Variants in FGF2 observed in about 807,000 individuals in gnomAD.
FGF2 encodes basic fibroblast growth factor bFGF.
Under a neutral mutation model 15.9 loss-of-function variants are expected in FGF2, and 13 were observed. The ratio of observed to expected loss-of-function variants is 0.82; its 90% CI spans 0.53 to 1.30. FGF2 has a LOEUF of 1.30. Ranked by LOEUF, FGF2 falls within the 50% of genes most tolerant of loss-of-function variation. FGF2 has a pLI of 0.00. For synonymous variants in FGF2, 90 were observed against 78.4 expected, an observed-to-expected ratio of 1.15 and a Z score of -0.78; for missense variants, 163 against 196.9, an observed-to-expected ratio of 0.83 and a Z score of 1.03.
intron 1 of FGF2, among the ~76,000 whole-genome samples, chr4:122,845,445 G>C (rs1726090635): frequency 6.6e-6 from 1 of 152,178 alleles, no homozygotes; most frequent in Non-Finnish European, 1.5e-5. Flanking sequence ...CTCCTCTCTA[G>C]CTGTGAAAAT....
chr4:122,892,288 C>A lies in FGF2; in HGVS notation c.360C>A (p.Tyr120Ter). 1 of 1,613,608 alleles carries A rather than the reference C, an allele frequency of 6.2e-7. No individual in the cohort carries two copies. The highest frequency in any genetic ancestry group is 8.5e-7 in the Non-Finnish European group (1 of 1,179,564). ...ACAATACTTACCGGTCAAGGAAATACACCAGTTGGTATGTGGCACTGAAAC... is the reference window on the plus strand; with the variant it reads ...ACAATACTTACCGGTCAAGGAAATAAACCAGTTGGTATGTGGCACTGAAAC... ...NNYNTYRSRK[Y>*]TSWYVALKRT... is the part of the protein sequence containing the mutation. Residue 120 changes from tyrosine to a stop codon, truncating the protein, a stop_gained, in exon 3 of 3, where the codon TAC becomes TAA. Coordinates refer to ENST00000644866, the MANE Select transcript of FGF2 (RefSeq NM_001361665.2). LOFTEE classifies it high-confidence loss of function.
At chr4:122,850,031 G>T (rs1392655816) in intron 1 of FGF2, among the ~76,000 whole-genome samples, 1 of 152,222 alleles carries the variant, frequency 6.6e-6, no homozygotes, top group East Asian at 1.9e-4. Context: ...GGAGGCCAAG[G>T]TGGGTGGATT....
intron 1 of FGF2, among the ~76,000 whole-genome samples, chr4:122,861,159 G>A (rs1220279567): frequency 6.6e-6 from 1 of 151,968 alleles, no homozygotes; most frequent in African/African-American, 2.4e-5. Flanking sequence ...ACACACTTTT[G>A]AGAAGATCGC....
At chr4:122,831,303 C>T (rs1725761581) in intron 1 of FGF2, among the ~76,000 whole-genome samples, 1 of 152,132 alleles carries the variant, frequency 6.6e-6, no homozygotes, top group African/African-American at 2.4e-5. Flanking sequence ...TTTGGTTAGG[C>T]TTCCTCCATT....
intron 1 of FGF2, among the ~76,000 whole-genome samples, chr4:122,838,667 C>G (rs1422848885): frequency 6.6e-6 from 1 of 152,160 alleles, no homozygotes; most frequent in African/African-American, 2.4e-5. Context: ...CTTTCAGAGG[C>G]TTTGCCATGT....
chr4:122,845,074 T>A (rs1452727579), intron 1 of FGF2, among the ~76,000 whole-genome samples: 1 of 152,230 alleles, frequency 6.6e-6, no homozygotes, highest in Non-Finnish European at 1.5e-5. Context: ...GGCTGCAAAA[T>A]GGATGTTGTG....
At chr4:122,852,549 C>T (rs1298922610) in intron 1 of FGF2, among the ~76,000 whole-genome samples, 4 of 152,190 alleles carry the variant, frequency 2.6e-5, no homozygotes, top group Non-Finnish European at 5.9e-5. Flanking sequence ...ATTGGAGCCA[C>T]CAAAATAAGT....
chr4:122,898,078 A>T lies in FGF2; in HGVS notation c.*5682A>T, dbSNP rs1322805912. 1.2e-5 allele frequency: 2 copies of T among 164,446 alleles called. No homozygotes were observed. Among genetic ancestry groups the T allele is most frequent in the African/African-American group, 4.8e-5 (2 of 41,666 alleles). The allele number at this position is 164,446 out of a possible 1,614,324, so 10.2% of individuals were successfully genotyped here. A position where few individuals can be genotyped will look rare whatever the true frequency, so the allele number is the denominator to read the frequency against. ...AGAAAATATAAATTTCATCACTAAA[A>T]TATGCTATTTTAAAATCTATTTCCT... On this transcript the variant is annotated 3_prime_UTR_variant, in exon 3 of 3. Transcript: ENST00000644866.
intron 2 of FGF2, 139 bp from the exon 3 acceptor site, chr4:122,892,072 A>T: frequency 1.3e-6 from 1 of 744,614 alleles, no homozygotes; most frequent in Non-Finnish European, 2.2e-6. Context: ...GAATCTTGTT[A>T]GTTTGATTGC....
chr4:122,845,615 T>C (rs1056854855), intron 1 of FGF2, among the ~76,000 whole-genome samples: 4 of 152,250 alleles, frequency 2.6e-5, no homozygotes, highest in Admixed American at 6.5e-5. Flanking sequence ...GTTTATGTTA[T>C]GGAGATGGCT....
intron 1 of FGF2, among the ~76,000 whole-genome samples, chr4:122,871,666 T>A (rs1726736360): frequency 6.6e-6 from 1 of 151,550 alleles, no homozygotes. Context: ...TGCTGTTCTC[T>A]AGCCTCCTTG....
intron 1 of FGF2, among the ~76,000 whole-genome samples, chr4:122,860,612 C>T (rs968934056): frequency 6.6e-5 from 10 of 151,926 alleles, no homozygotes; most frequent in Non-Finnish European, 1.0e-4. Context: ...TATGCCACCA[C>T]GCCTGGCTAT....
At chr4:122,828,794 T>C (rs1578445730) in intron 1 of FGF2, among the ~76,000 whole-genome samples, 1 of 152,308 alleles carries the variant, frequency 6.6e-6, no homozygotes, top group Middle Eastern at 3.4e-3. Flanking sequence ...TGTAACCTAT[T>C]AGATGGGTTA....
At chr4:122,839,891 G>C (rs567653598) in intron 1 of FGF2, among the ~76,000 whole-genome samples, 1 of 152,290 alleles carries the variant, frequency 6.6e-6, no homozygotes, top group Admixed American at 6.5e-5. Flanking sequence ...CTGGAGGCTG[G>C]AAGTCCAAGA....
chr4:122,855,547 G>T (rs1470194584), intron 1 of FGF2, among the ~76,000 whole-genome samples: 1 of 152,194 alleles, frequency 6.6e-6, no homozygotes, highest in East Asian at 1.9e-4. Flanking sequence ...TTCCTCAAAG[G>T]CCTGTCTGCT....
At position 122,895,044 on chromosome 4, in the gene FGF2, G is replaced by A. The variant is rs915003139; in HGVS notation, c.*2648G>A. 2 of 152,200 alleles carry A rather than the reference G, an allele frequency of 1.3e-5. No homozygotes were observed. The highest frequency in any genetic ancestry group is 4.8e-5 in the African/African-American group (2 of 41,438). 9.4% of individuals were successfully genotyped at this position (152,200 alleles called of 1,614,324 possible). A position where few individuals can be genotyped will look rare whatever the true frequency, so the allele number is the denominator to read the frequency against. ...CTGACTGAAAATCAGCACTGCCTGA[G>A]TAGTTTTGATCAGTTTAACTTGAAT... On this transcript the variant is annotated 3_prime_UTR_variant, in exon 3 of 3. Transcript: ENST00000644866.
chr4:122,849,336 C>G (rs916064565), intron 1 of FGF2, among the ~76,000 whole-genome samples: 1 of 151,950 alleles, frequency 6.6e-6, no homozygotes, highest in Non-Finnish European at 1.5e-5. Flanking sequence ...TCATTCTCAG[C>G]AAACTAACAC....
At chr4:122,842,213 G>C (rs377507926) in intron 1 of FGF2, among the ~76,000 whole-genome samples, 1 of 152,222 alleles carries the variant, frequency 6.6e-6, no homozygotes, top group East Asian at 1.9e-4. Context: ...ATGGAAGCCT[G>C]CCTCAACGAT....
intron 1 of FGF2, among the ~76,000 whole-genome samples, chr4:122,860,567 T>G (rs10428271): frequency 2.0e-5 from 3 of 151,666 alleles, no homozygotes; most frequent in African/African-American, 7.3e-5. Context: ...GTGATTCTTG[T>G]GCCTCAGCCT....
Sources: allele counts gnomAD v4.1 joint callset (sites outside exome capture counted in the v4.1 genomes callset), GRCh38; gene constraint gnomAD v4.1.1; transcripts MANE v1.5; gene names NCBI Gene and HGNC (gene_info 2026-07-23, HGNC 2026-07-21).